LDLRAD4: variants seen among roughly 807,000 people sequenced by gnomAD.
The protein encoded by LDLRAD4 is low density lipoprotein receptor class A domain containing 4, also known as low-density lipoprotein receptor class A domain-containing protein 4.
Under a neutral mutation model 17.0 loss-of-function variants are expected in LDLRAD4, and 5 were observed. That is an observed-to-expected ratio of 0.29 (90% CI 0.15 to 0.62). The LOEUF is 0.62. LDLRAD4 is among the 20% of genes least tolerant of loss of function. LDLRAD4 has a pLI of 0.84. For synonymous variants in LDLRAD4, 168 were observed against 171.8 expected (o/e 0.98, Z 0.17); for missense variants, 340 against 424.7 (o/e 0.80, Z 1.75).
At chr18:13,584,587 C>T (rs901391879) in intron 3 of LDLRAD4, among the ~76,000 whole-genome samples, 12 of 152,134 alleles carry the variant, frequency 7.9e-5, no homozygotes, top group East Asian at 1.9e-4. Context: ...TAGGATGGCT[C>T]GGTGGAGGGA....
chr18:13,623,316 G>C (rs2040826397), intron 4 of LDLRAD4, among the ~76,000 whole-genome samples: 1 of 152,180 alleles, frequency 6.6e-6, no homozygotes. Context: ...GAAGACATTC[G>C]GCAGCCAGTG....
chr18:13,375,782 G>A (rs1025765300), intron 1 of LDLRAD4, among the ~76,000 whole-genome samples: 3 of 152,084 alleles, frequency 2.0e-5, no homozygotes, highest in Admixed American at 2.0e-4. Flanking sequence ...CTGCCAGGGA[G>A]CCTGCACCTG....
chr18:13,525,632 G>T (rs1295068284), intron 3 of LDLRAD4, among the ~76,000 whole-genome samples: 2 of 152,248 alleles, frequency 1.3e-5, no homozygotes, highest in African/African-American at 4.8e-5. Context: ...ACCCACAAAA[G>T]GCCCAGCCTC....
rs567044085 is a variant in LDLRAD4, at chr18:13,225,302, G to A, written c.-467+6314G>A. On this transcript the variant is annotated intron_variant, in intron 1 of 5. Transcript: ENST00000399848. ...TATCATGGGCCTAGCAGGACAGTCA[G>A]CTCTTTGCAAACTGGTCCACGGTAT... 5.9e-5 allele frequency among the ~76,000 whole-genome samples: 9 copies of A among 152,352 alleles called. No homozygotes were observed. The South Asian group carries it at 8.3e-4, about 14-fold the overall frequency.
intron 2 of LDLRAD4, among the ~76,000 whole-genome samples, chr18:13,434,004 G>A (rs76788054): frequency 0.02 from 3,095 of 152,254 alleles, 114 homozygotes; most frequent in African/African-American, 0.071. Flanking sequence ...GGTAAGTCAG[G>A]CATTATCCCT....
chr18:13,536,941 A>G (rs2094208636), intron 3 of LDLRAD4, among the ~76,000 whole-genome samples: 2 of 152,348 alleles, frequency 1.3e-5, no homozygotes, highest in South Asian at 4.1e-4. Context: ...GTTTTCAGAT[A>G]TTAAACCAAC....
intron 4 of LDLRAD4, among the ~76,000 whole-genome samples, chr18:13,629,037 C>A (rs1269455296): frequency 6.6e-6 from 1 of 152,174 alleles, no homozygotes; most frequent in African/African-American, 2.4e-5. Context: ...CACTGTGTTG[C>A]CCAGGCTGGT....
intron 3 of LDLRAD4, among the ~76,000 whole-genome samples, chr18:13,483,463 G>T (rs1251447031): frequency 6.6e-6 from 1 of 152,146 alleles, no homozygotes; most frequent in Non-Finnish European, 1.5e-5. Context: ...CAGGCATCAC[G>T]CAGCAGTGTG....
chr18:13,444,099 G>A (rs1326999248), intron 3 of LDLRAD4, among the ~76,000 whole-genome samples: 1 of 152,186 alleles, frequency 6.6e-6, no homozygotes, highest in East Asian at 1.9e-4. Flanking sequence ...ACCCTGAAGT[G>A]TATATCATAT....
intron 3 of LDLRAD4, among the ~76,000 whole-genome samples, chr18:13,536,311 C>T (rs1311858078): frequency 1.3e-5 from 2 of 152,046 alleles, no homozygotes; most frequent in East Asian, 1.9e-4. Flanking sequence ...TTTGATTTTC[C>T]TTTTATAATT....
chr18:13,619,692 G>A (rs1004586058), intron 3 of LDLRAD4, among the ~76,000 whole-genome samples: 1 of 152,168 alleles, frequency 6.6e-6, no homozygotes, highest in Non-Finnish European at 1.5e-5. Flanking sequence ...TGGCTGGGGC[G>A]GGGCCGGCAG....
At chr18:13,649,267 CTTTAT>C (rs907245201) in exon 6 of LDLRAD4, 5 of 152,208 alleles carry the variant, frequency 3.3e-5, no homozygotes, top group African/African-American at 1.2e-4. Context: ...TCTCTTTCAC[CTTTAT>C]TTCATCTTCA....
chr18:13,548,484 C>T (rs1165443752), intron 3 of LDLRAD4, among the ~76,000 whole-genome samples: 1 of 152,250 alleles, frequency 6.6e-6, no homozygotes, highest in Non-Finnish European at 1.5e-5. Flanking sequence ...GGGCAAGGGG[C>T]TGGGATGTCA....
chr18:13,578,421 C>T (rs2094805143), intron 3 of LDLRAD4, among the ~76,000 whole-genome samples: 1 of 152,240 alleles, frequency 6.6e-6, no homozygotes, highest in South Asian at 2.1e-4. Context: ...CCCACTTCCA[C>T]CTGTGCCCTC....
At chr18:13,619,742 G>C (rs1254816232) in intron 3 of LDLRAD4, among the ~76,000 whole-genome samples, 1 of 152,128 alleles carries the variant, frequency 6.6e-6, no homozygotes, top group Non-Finnish European at 1.5e-5. Flanking sequence ...CTCAGGGCAT[G>C]GCCTCTGAGC....
intron 1 of LDLRAD4, among the ~76,000 whole-genome samples, chr18:13,319,361 C>A (rs12959091): frequency 6.6e-6 from 1 of 151,954 alleles, no homozygotes; most frequent in South Asian, 2.1e-4. Flanking sequence ...CGTGAGCCAG[C>A]TCGCTCCTGA....
Position 13,545,629 on chromosome 18 carries a change from T to C in LDLRAD4, c.182-75488T>C, listed in dbSNP as rs188254353. Among the ~76,000 whole-genome samples, 15 of 152,256 alleles carry C rather than the reference T, an allele frequency of 9.9e-5. No homozygotes were observed. In the East Asian group the frequency reaches 1.9e-3, roughly 20 times the overall value. ...CACACCTTCTTCTAGCAGCCGGCCA[T>C]GAGCAGTGCGGTTTCTTAGCTGCAA... On this transcript the variant is annotated intron_variant, in intron 3 of 5. Transcript: ENST00000359446.
chr18:13,263,481 A>T (rs1222147681), intron 1 of LDLRAD4, among the ~76,000 whole-genome samples: 2 of 152,150 alleles, frequency 1.3e-5, no homozygotes, highest in African/African-American at 4.8e-5. Flanking sequence ...TAACACACAG[A>T]GCTGTGCAGT....
chr18:13,580,451 A>G (rs1191828121), intron 3 of LDLRAD4, among the ~76,000 whole-genome samples: 1 of 152,220 alleles, frequency 6.6e-6, no homozygotes, highest in Non-Finnish European at 1.5e-5. Flanking sequence ...TGGGCCCCAG[A>G]GGGCCAGGGA....
Sources: allele counts gnomAD v4.1 joint callset (sites outside exome capture counted in the v4.1 genomes callset), GRCh38; gene constraint gnomAD v4.1.1; transcripts MANE v1.5; gene names NCBI Gene and HGNC (gene_info 2026-07-23, HGNC 2026-07-21).